Variants in ENPP2 observed in about 807,000 individuals in gnomAD.
The protein encoded by ENPP2 is ectonucleotide pyrophosphatase/phosphodiesterase 2.
ENPP2 carries 51 observed loss-of-function variants against 120.2 expected under a neutral mutation model. The ratio of observed to expected loss-of-function variants is 0.42; its 90% confidence interval spans 0.34 to 0.54. The LOEUF (loss-of-function observed/expected upper bound fraction) is 0.54, where lower values mean the gene tolerates loss of function less well. ENPP2 is among the 20% of genes least tolerant of loss of function. The probability of loss-of-function intolerance (pLI) is 0.04; values close to 1 mark genes in which losing one functional copy is unlikely to be tolerated. For missense variants in ENPP2, 920 were observed against 1,066.5 expected (o/e 0.86, Z 1.91); for synonymous variants, 365 against 366.4 (o/e 1.00, Z 0.04).
rs796442712 is a variant in ENPP2 at position 119,629,792 on chromosome 8, C to CA, written c.137-3073dup. 7.6e-3 allele frequency among the ~76,000 whole-genome samples: 1,105 copies of CA among 145,020 alleles called. 14 individuals are homozygous for CA. Among genetic ancestry groups the CA allele is most frequent in the African/African-American group, 0.027 (1,054 of 39,504 alleles). Reference sequence around the variant, plus strand: ...AGGCAGGAGGGGTTGAGAAGTAAAACAAAAAAAAAATTACAAAACAGAAAA... The same window carrying CA: ...AGGCAGGAGGGGTTGAGAAGTAAAACAAAAAAAAAAATTACAAAACAGAAAA... On this transcript the variant is annotated intron_variant, in intron 2 of 24. Coordinates refer to ENST00000075322, the MANE Select transcript of ENPP2 (RefSeq NM_001040092.3).
At position 119,649,237 on chromosome 8, in the gene ENPP2, CA is replaced by C. The variant is rs34542482; in HGVS notation, c.22-10711del. ...TGAAACCCCGTCTCTACTAAAAATA[CA>C]AAAAAAAAAAAAAAATAGCCGGGTG... On this transcript the variant is annotated intron_variant, in intron 1 of 25. Coordinates refer to the ENPP2 transcript ENST00000427067. Among the ~76,000 whole-genome samples, 823 of 110,016 alleles carry C rather than the reference CA, an allele frequency of 7.5e-3. 1 individual carries two copies. Among genetic ancestry groups the C allele is most frequent in the Middle Eastern group, 0.013 (3 of 226 alleles). The allele number at this position is 110,016 out of a possible 152,430, so 72.2% of individuals were successfully genotyped here.
intron 24 of ENPP2, among the ~76,000 whole-genome samples, chr8:119,562,090 T>C (rs1814006374): frequency 1.3e-5 from 2 of 150,028 alleles, no homozygotes; most frequent in Non-Finnish European, 1.5e-5. Flanking sequence ...TGAGCCAAGA[T>C]CACACCACTG....
chr8:119,666,758 C>T (rs1185592985), intron 1 of ENPP2, among the ~76,000 whole-genome samples: 1 of 131,218 alleles, frequency 7.6e-6, no homozygotes, highest in Non-Finnish European at 1.6e-5. Context: ...CCAGCCTGGG[C>T]AAAAAGAGCA....
At chr8:119,673,264 G>T in exon 1 of ENPP2, 1 of 1,535,272 alleles carries the variant, frequency 6.5e-7, no homozygotes, top group African/African-American at 1.4e-5. Flanking sequence ...GATCGGCGTG[G>T]CGGGTCATGC....
At chr8:119,577,308 A>C (rs1006640814) in intron 19 of ENPP2, among the ~76,000 whole-genome samples, 11 of 152,362 alleles carry the variant, frequency 7.2e-5, no homozygotes, top group African/African-American at 2.6e-4. Context: ...AATTGCCCTG[A>C]ACATAATACA....
chr8:119,650,708 C>CTG (rs1314804971), intron 1 of ENPP2, among the ~76,000 whole-genome samples: 3 of 152,086 alleles, frequency 2.0e-5, no homozygotes. Flanking sequence ...TAACGAGCCC[C>CTG]TGTGTGTGTG....
intron 1 of ENPP2, among the ~76,000 whole-genome samples, chr8:119,646,879 C>T (rs1410530708): frequency 6.6e-6 from 1 of 152,118 alleles, no homozygotes; most frequent in Non-Finnish European, 1.5e-5. Flanking sequence ...CTGGCAAATA[C>T]CAACATATTT....
At chr8:119,638,620 C>G in intron 1 of ENPP2, 93 bp from the exon 2 acceptor site, 2 of 994,452 alleles carry the variant, frequency 2.0e-6, no homozygotes, top group Non-Finnish European at 3.3e-6. Flanking sequence ...AATATCAACA[C>G]CCAATCCTAC....
intron 1 of ENPP2, among the ~76,000 whole-genome samples, chr8:119,650,521 T>C (rs1437295979): frequency 6.6e-6 from 1 of 152,182 alleles, no homozygotes; most frequent in African/African-American, 2.4e-5. Context: ...ACCGAGATTA[T>C]ACCTGCAGAG....
intron 13 of ENPP2, among the ~76,000 whole-genome samples, chr8:119,589,426 T>TC (rs1201056661): frequency 6.6e-6 from 1 of 152,174 alleles, no homozygotes; most frequent in Non-Finnish European, 1.5e-5. Flanking sequence ...GGTTTTTTTT[T>TC]CTCCTCCAAA....
chr8:119,573,407 T>TAAAA (rs1563680979), intron 19 of ENPP2, among the ~76,000 whole-genome samples: 5 of 71,498 alleles, frequency 7.0e-5, no homozygotes, highest in African/African-American at 2.8e-4. Context: ...GCTCCGTCTC[T>TAAAA]TAAAAAAAAA....
chr8:119,668,072 A>T (rs1818126743), intron 1 of ENPP2, among the ~76,000 whole-genome samples: 1 of 152,110 alleles, frequency 6.6e-6, no homozygotes, highest in African/African-American at 2.4e-5. Flanking sequence ...TGGTCCCATT[A>T]AGTCTAGATT....
intron 11 of ENPP2, among the ~76,000 whole-genome samples, chr8:119,599,296 A>G (rs963134972): frequency 2.6e-5 from 4 of 152,244 alleles, no homozygotes; most frequent in Middle Eastern, 3.4e-3. Flanking sequence ...TAAATAAATC[A>G]CCTCTGAATT....
At chr8:119,619,417 CAAAAA>C (rs5894488) in intron 4 of ENPP2, 113 bp from the exon 5 acceptor site, 6 of 436,124 alleles carry the variant, frequency 1.4e-5, no homozygotes, top group Non-Finnish European at 2.0e-5. Flanking sequence ...TGGGATATAA[CAAAAA>C]AAAAAAAAAA....
At chr8:119,658,744 C>G (rs367693637) in intron 1 of ENPP2, among the ~76,000 whole-genome samples, 10 of 152,136 alleles carry the variant, frequency 6.6e-5, no homozygotes, top group African/African-American at 2.4e-4. Flanking sequence ...GACTATAAGC[C>G]CCACCAGTGT....
intron 1 of ENPP2, among the ~76,000 whole-genome samples, chr8:119,662,209 T>C (rs1817941440): frequency 1.3e-5 from 2 of 152,174 alleles, no homozygotes; most frequent in Admixed American, 6.5e-5. Flanking sequence ...GATAAGGATG[T>C]GAGGTGATAA....
Position 119,587,085 on chromosome 8 carries a change from G to T in ENPP2, c.1208-10C>A. 1 of 1,604,338 alleles carries T rather than the reference G, an allele frequency of 6.2e-7. No homozygotes were observed. Among genetic ancestry groups the T allele is most frequent in the South Asian group, 1.1e-5 (1 of 88,718 alleles). ...ATGGCTTTGGGGTCATCTGTTCAAA[G>T]AGAGGAGAAAGATTTCAAAAGAAAT... is the stretch of plus-strand genomic sequence containing the variant. On this transcript the variant is annotated splice_polypyrimidine_tract_variant and intron_variant, in intron 13 of 24. Coordinates refer to ENST00000075322, the MANE Select transcript of ENPP2 (RefSeq NM_001040092.3).
Position 119,586,213 on chromosome 8 carries a change from A to G in ENPP2, c.1340T>C (p.Leu447Ser). Residue 447 changes from leucine to serine, a missense_variant, in exon 15 of 25, where the codon TTG becomes TCG. Leu to Ser is a moderately radical substitution (Grantham distance 145). Transcript: ENST00000075322. ...TGCAACATGCCATCTGCGTTCCACC[A>G]ATAAATGGATATCCTCAATTCTTCT... ...NNRRIEDIHL[L>S]VERRWHVARK... 6.2e-7 allele frequency: 1 copy of G among 1,614,092 alleles called. No individual in the cohort carries two copies. Among genetic ancestry groups the G allele is most frequent in the Non-Finnish European group, 8.5e-7 (1 of 1,179,954 alleles).
intron 19 of ENPP2, among the ~76,000 whole-genome samples, chr8:119,575,621 A>G (rs1042068211): frequency 6.6e-6 from 1 of 152,182 alleles, no homozygotes; most frequent in Non-Finnish European, 1.5e-5. Flanking sequence ...CTGCGTTCAA[A>G]TCTAATCTCA....
Sources: gnomAD v4.1 joint callset for allele counts (sites outside exome capture counted in the v4.1 genomes callset) on GRCh38, gnomAD v4.1.1 for gene constraint, MANE v1.5 for transcripts, NCBI Gene and HGNC (gene_info 2026-07-23, HGNC 2026-07-21) for gene names.